C4orf51: variants seen among roughly 807,000 people sequenced by gnomAD.
C4orf51 encodes the protein chromosome 4 open reading frame 51.
A neutral mutation model predicts 25.2 loss-of-function variants in C4orf51; 25 were observed. The observed-to-expected ratio is 0.99, with a 90% confidence interval of 0.72 to 1.39. The LOEUF (loss-of-function observed/expected upper bound fraction) is 1.39. Ranked by LOEUF, C4orf51 falls within the 40% of genes most tolerant of loss-of-function variation. The probability of loss-of-function intolerance (pLI) is 0.00; values close to 1 mark genes in which losing one functional copy is unlikely to be tolerated. For synonymous variants in C4orf51, 100 were observed against 84.5 expected (o/e 1.18, Z -1.01); for missense variants, 252 against 239.6 (o/e 1.05, Z -0.34).
intron 2 of C4orf51, 35 bp downstream of exon 2, chr4:145,696,667 C>T: frequency 1.3e-6 from 2 of 1,498,558 alleles, no homozygotes; most frequent in East Asian, 2.3e-5. Flanking sequence ...GGGCCCAGCC[C>T]TTTTGCCAGG....
intron 1 of C4orf51, among the ~76,000 whole-genome samples, chr4:145,738,314 G>A (rs55827969): frequency 0.18 from 26,608 of 151,802 alleles, 2,986 homozygotes; most frequent in East Asian, 0.35. Flanking sequence ...CCCAGGAGTG[G>A]TGGCAGGCAC....
intron 2 of C4orf51, among the ~76,000 whole-genome samples, chr4:145,708,470 C>G (rs574571251): frequency 1.3e-5 from 2 of 152,264 alleles, no homozygotes; most frequent in East Asian, 1.9e-4. Flanking sequence ...AAAGTAAAAA[C>G]GAGGTGTCCC....
At chr4:145,757,571 C>A (rs1734042454), downstream of C4orf51, 1 of 150,996 alleles carries the variant, frequency 6.6e-6, no homozygotes, top group South Asian at 2.1e-4. Flanking sequence ...AAGACATAAC[C>A]CTGAGACCAA....
Position 145,765,196 on chromosome 4 carries a change from C to T in C4orf51, n.167-5792C>T, listed in dbSNP as rs764078464. ...AGGACCGAAGCTGGGTATAGAGGTG[C>T]ACAGGGCAGCGGGGAGAGGAGGGCA... is the stretch of plus-strand genomic sequence containing the variant. On this transcript the variant is annotated intron_variant and non_coding_transcript_variant, in intron 1 of 1. Coordinates refer to the C4orf51 transcript ENST00000510096. This position sits in a 1 kb window ranked among gnomAD's most constrained non-coding sequence, Gnocchi z 4.7. 3 of 1,566,052 alleles carry T rather than the reference C, an allele frequency of 1.9e-6. No individual in the cohort carries two copies. Among genetic ancestry groups the T allele is most frequent in the East Asian group, 2.2e-5 (1 of 44,456 alleles).
At chr4:145,789,330 T>G in the C4orf51 span, among the ~76,000 whole-genome samples, 93 of 152,300 alleles carry the variant, frequency 6.1e-4, no homozygotes, top group Non-Finnish European at 1.1e-3. Flanking sequence ...AGTGCATAAA[T>G]AGTTTCATCC....
In C4orf51 at chr4:145,762,023, G is replaced by C. The variant is rs1734596985; in HGVS notation, n.167-8965G>C. On this transcript the variant is annotated intron_variant and non_coding_transcript_variant, in intron 1 of 1. Coordinates refer to the C4orf51 transcript ENST00000510096. This position sits in a 1 kb window ranked among gnomAD's most constrained non-coding sequence, Gnocchi z 4.9. ...CTAGATGGGAGCAACACAAAGAATC[G>C]ACTTTTCATGCACCACACCAAGCAC... 6.6e-6 allele frequency among the ~76,000 whole-genome samples: 1 copy of C among 152,002 alleles called. No homozygotes were observed. Among genetic ancestry groups the C allele is most frequent in the African/African-American group, 2.4e-5 (1 of 41,378 alleles).
intron 1 of C4orf51, among the ~76,000 whole-genome samples, chr4:145,693,347 G>C (rs1729741356): frequency 6.6e-6 from 1 of 150,814 alleles, no homozygotes; most frequent in Admixed American, 6.6e-5. Context: ...ACAGGGTTGG[G>C]GGTAAGGTCA....
intron 1 of C4orf51, among the ~76,000 whole-genome samples, chr4:145,747,909 C>A (rs912828727): frequency 1.3e-5 from 2 of 151,956 alleles, no homozygotes; most frequent in African/African-American, 4.8e-5. Context: ...TTAGAAGTAT[C>A]CCCTTCTCTC....
chr4:145,780,923 G>A, the C4orf51 span, among the ~76,000 whole-genome samples: 2 of 151,304 alleles, frequency 1.3e-5, no homozygotes, highest in African/African-American at 4.9e-5. Flanking sequence ...CACGCTGGGT[G>A]CAGTGGCTCA....
chr4:145,765,417 T>A lies in C4orf51; in HGVS notation n.167-5571T>A. The A allele has an allele frequency of 8.6e-7, 1 of 1,168,016 alleles. No individual in the cohort carries two copies. The highest frequency in any genetic ancestry group is 1.2e-6 in the Non-Finnish European group (1 of 843,342). The allele number at this position is 1,168,016 out of a possible 1,614,324, so 72.4% of individuals were successfully genotyped here. A position where few individuals can be genotyped will look rare whatever the true frequency, so the allele number is the denominator to read the frequency against. On this transcript the variant is annotated intron_variant and non_coding_transcript_variant, in intron 1 of 1. Transcript: ENST00000510096. This position sits in a 1 kb window ranked among gnomAD's most constrained non-coding sequence, Gnocchi z 4.7. ...AGCCAAAAGAAATACAACCTTTAGG[T>A]GAGGCCCAGCATACTGCATCCTGGG...
the C4orf51 span, among the ~76,000 whole-genome samples, chr4:145,776,333 T>C: frequency 2.6e-5 from 4 of 151,966 alleles, no homozygotes; most frequent in African/African-American, 9.7e-5. Context: ...TGGTGGCACG[T>C]GCCTGTAGTC....
At chr4:145,779,339 A>C in the C4orf51 span, 3 of 1,607,802 alleles carry the variant, frequency 1.9e-6, no homozygotes, top group Non-Finnish European at 2.5e-6. Flanking sequence ...GTGATGGAGC[A>C]TAGAGGGCTG....
chr4:145,701,565 T>C (rs1432850769), intron 2 of C4orf51, among the ~76,000 whole-genome samples: 7 of 151,594 alleles, frequency 4.6e-5, no homozygotes, highest in Non-Finnish European at 7.4e-5. Flanking sequence ...TGAAGACTGA[T>C]GCTGCCCGAT....
downstream of C4orf51, among the ~76,000 whole-genome samples, chr4:145,735,677 A>G (rs988090778): frequency 3.9e-5 from 6 of 152,230 alleles, no homozygotes; most frequent in African/African-American, 1.4e-4. Flanking sequence ...CAGCAGCCCT[A>G]TGGAACAGGG....
At chr4:145,694,234 C>G (rs1729870104) in intron 1 of C4orf51, among the ~76,000 whole-genome samples, 1 of 143,286 alleles carries the variant, frequency 7.0e-6, no homozygotes, top group South Asian at 2.4e-4. Context: ...GCGCTCCTCA[C>G]TTCCTAGATG....
chr4:145,724,844 C>T (rs111391988), intron 2 of C4orf51, among the ~76,000 whole-genome samples: 2 of 133,740 alleles, frequency 1.5e-5, no homozygotes, highest in African/African-American at 5.8e-5. Context: ...TGATCATGCA[C>T]TGCACTCCAG....
At chr4:145,779,720 G>T in the C4orf51 span, among the ~76,000 whole-genome samples, 2 of 152,182 alleles carry the variant, frequency 1.3e-5, no homozygotes, top group Non-Finnish European at 2.9e-5. Flanking sequence ...TCCGACCCCT[G>T]TCAATTCTTC....
rs1459515380 is a variant in C4orf51, at chr4:145,765,255, G to A, written n.167-5733G>A. 36 of 1,376,998 alleles carry A rather than the reference G, an allele frequency of 2.6e-5. No individual in the cohort carries two copies. The highest frequency in any genetic ancestry group is 7.7e-5 in the Admixed American group (3 of 38,844). The allele number at this position is 1,376,998 out of a possible 1,614,324, so 85.3% of individuals were successfully genotyped here. On this transcript the variant is annotated intron_variant and non_coding_transcript_variant, in intron 1 of 1. Coordinates refer to the C4orf51 transcript ENST00000510096. This position sits in a 1 kb window ranked among gnomAD's most constrained non-coding sequence, Gnocchi z 4.7. ...GCCAAGCTCCTCCCCACTTCCTCCC[G>A]CCTCCTCCGACGCCTGACAGCTATA... is the stretch of plus-strand genomic sequence containing the variant.
the C4orf51 span, among the ~76,000 whole-genome samples, chr4:145,783,474 T>C: frequency 6.6e-6 from 1 of 152,240 alleles, no homozygotes; most frequent in Admixed American, 6.5e-5. Flanking sequence ...GCCATACTCC[T>C]AAAGGCTCTA....
Sources: allele counts gnomAD v4.1 joint callset (sites outside exome capture counted in the v4.1 genomes callset), GRCh38; gene constraint gnomAD v4.1.1; non-coding constraint Gnocchi (gnomAD v3.1); transcripts MANE v1.5; gene names NCBI Gene and HGNC (gene_info 2026-07-23, HGNC 2026-07-21).